Variants in SDK1 observed in about 807,000 individuals in gnomAD.
SDK1 encodes the protein protein sidekick-1.
SDK1 carries 157 observed loss-of-function variants against 245.5 expected under a neutral mutation model. The ratio of observed to expected loss-of-function variants is 0.64; its 90% CI spans 0.56 to 0.73. The LOEUF (loss-of-function observed/expected upper bound fraction) is 0.73, where lower values mean the gene tolerates loss of function less well. Ranked by LOEUF, SDK1 falls within the 30% of genes least tolerant of loss-of-function variation. The pLI is 0.00. For synonymous variants in SDK1, 1,647 were observed against 1,278.5 expected, an observed-to-expected ratio of 1.29 and a Z score of -6.15; for missense variants, 3,583 against 3,002.3, an observed-to-expected ratio of 1.19 and a Z score of -4.52.
At chr7:4,239,784 C>T (rs934332634) in intron 42 of SDK1, among the ~76,000 whole-genome samples, 1 of 152,192 alleles carries the variant, frequency 6.6e-6, no homozygotes, top group Non-Finnish European at 1.5e-5. Flanking sequence ...GAGCTCAGCT[C>T]ATTTGTTGGA....
intron 5 of SDK1, among the ~76,000 whole-genome samples, chr7:3,928,271 T>C (rs1310742028): frequency 6.6e-6 from 1 of 152,218 alleles, no homozygotes; most frequent in Non-Finnish European, 1.5e-5. Context: ...CTGAATTCTC[T>C]AGATAGTTAA....
intron 1 of SDK1, among the ~76,000 whole-genome samples, chr7:3,541,538 T>C (rs1029148116): frequency 6.6e-6 from 1 of 152,232 alleles, no homozygotes; most frequent in African/African-American, 2.4e-5. Flanking sequence ...TGTCAGTCCT[T>C]CTGTAGAGAT....
At chr7:3,818,703 C>G (rs1290905918) in intron 4 of SDK1, among the ~76,000 whole-genome samples, 1 of 152,222 alleles carries the variant, frequency 6.6e-6, no homozygotes, top group African/African-American at 2.4e-5. Flanking sequence ...AGTCCCCAGA[C>G]AGGACAGGCT....
intron 1 of SDK1, among the ~76,000 whole-genome samples, chr7:3,582,642 C>T (rs565736605): frequency 1.2e-4 from 13 of 107,100 alleles, no homozygotes; most frequent in African/African-American, 4.7e-4. Flanking sequence ...CATGAGCTTA[C>T]ATAACAAACC....
At chr7:3,807,988 A>G (rs1192110995) in intron 4 of SDK1, among the ~76,000 whole-genome samples, 1 of 152,146 alleles carries the variant, frequency 6.6e-6, no homozygotes, top group Non-Finnish European at 1.5e-5. Flanking sequence ...TGACCTGCGC[A>G]TTGGTGCTGT....
At chr7:3,360,666 C>A (rs1427097388) in intron 1 of SDK1, among the ~76,000 whole-genome samples, 1 of 152,130 alleles carries the variant, frequency 6.6e-6, no homozygotes, top group African/African-American at 2.4e-5. Flanking sequence ...GGTTTTGTTA[C>A]CTTGGCCCAG....
chr7:3,999,337 G>A (rs189623571), intron 14 of SDK1, among the ~76,000 whole-genome samples: 4 of 152,304 alleles, frequency 2.6e-5, no homozygotes, highest in East Asian at 1.9e-4. Flanking sequence ...CAGGAAGAGC[G>A]TGAGGTCCAT....
chr7:3,903,768 G>T (rs1230020388), intron 5 of SDK1, among the ~76,000 whole-genome samples: 1 of 152,158 alleles, frequency 6.6e-6, no homozygotes, highest in African/African-American at 2.4e-5. Flanking sequence ...GATCTCCCGT[G>T]TTGGAGGTGG....
intron 4 of SDK1, among the ~76,000 whole-genome samples, chr7:3,818,352 A>T (rs963961409): frequency 6.6e-6 from 1 of 152,228 alleles, no homozygotes; most frequent in African/African-American, 2.4e-5. Flanking sequence ...CAACTTTGCT[A>T]CCATAATTAC....
chr7:3,602,538 G>C (rs1405021427), intron 1 of SDK1, among the ~76,000 whole-genome samples: 1 of 151,782 alleles, frequency 6.6e-6, no homozygotes, highest in Admixed American at 6.6e-5. Flanking sequence ...TTTTTTTCTT[G>C]TAAATTTGTT....
At chr7:3,946,024 A>T (rs1439755751) in intron 5 of SDK1, among the ~76,000 whole-genome samples, 2 of 151,798 alleles carry the variant, frequency 1.3e-5, no homozygotes, top group African/African-American at 2.4e-5. Context: ...GAGTCCTAAA[A>T]TCCAACCAAT....
At chr7:3,326,847 T>C (rs1232374318) in intron 1 of SDK1, among the ~76,000 whole-genome samples, 1 of 152,180 alleles carries the variant, frequency 6.6e-6, no homozygotes, top group Admixed American at 6.5e-5. Flanking sequence ...GGCTGTCATT[T>C]AACCTGTGAT....
intron 4 of SDK1, among the ~76,000 whole-genome samples, chr7:3,666,434 A>G (rs1783534035): frequency 6.6e-6 from 1 of 152,084 alleles, no homozygotes; most frequent in South Asian, 2.1e-4. Flanking sequence ...TACATTTCAG[A>G]TCTCATCACT....
chr7:3,751,288 T>C (rs1045248440), intron 4 of SDK1, among the ~76,000 whole-genome samples: 4 of 152,192 alleles, frequency 2.6e-5, no homozygotes, highest in Non-Finnish European at 5.9e-5. Flanking sequence ...AGAGAGCTAA[T>C]AAACTAGGAT....
At position 4,208,236 on chromosome 7, in the gene SDK1, C is replaced by T. The variant is rs549339715; in HGVS notation, c.5352C>T (p.Ala1784=). The change falls in exon 37 of 45, where the codon GCC becomes GCT. Residue 1784 remains alanine, a synonymous_variant. Coordinates refer to ENST00000404826, the MANE Select transcript of SDK1 (RefSeq NM_152744.4). The part of the protein sequence containing the change: ...YLVSISAFNA[A]GDGPKSDPQQ... ...TCAGCATATCAGCCTTCAACGCCGC[C>T]GGAGATGGACCTAAGAGTGACCCCC... 6.1e-5 allele frequency: 99 copies of T among 1,614,012 alleles called. 1 individual carries two copies. Among genetic ancestry groups the T allele is most frequent in the South Asian group, 3.7e-4 (34 of 91,068 alleles).
intron 1 of SDK1, among the ~76,000 whole-genome samples, chr7:3,472,445 G>A (rs1329782930): frequency 1.3e-5 from 2 of 152,084 alleles, no homozygotes; most frequent in African/African-American, 4.8e-5. Context: ...GAGGGACAAG[G>A]CTAACTAAAA....
At chr7:4,200,334 A>G (rs761078076) in intron 35 of SDK1, among the ~76,000 whole-genome samples, 124 of 152,238 alleles carry the variant, frequency 8.1e-4, no homozygotes, top group Non-Finnish European at 1.6e-3. Context: ...TTCCTAGAGG[A>G]GCTGGAGCTA....
chr7:4,175,666 T>C (rs4720185), intron 33 of SDK1, 109 bp from the exon 34 acceptor site: 567,064 of 905,360 alleles, frequency 0.63, 180,770 homozygotes, highest in Admixed American at 0.73. Context: ...GCGTGGGAAG[T>C]GGCTGGCATC....
chr7:4,108,223 G>C (rs1392161913), intron 22 of SDK1, among the ~76,000 whole-genome samples: 2 of 152,176 alleles, frequency 1.3e-5, no homozygotes, highest in African/African-American at 2.4e-5. Context: ...AGCTGCCATG[G>C]GCCCTGATGG....
Sources: allele counts gnomAD v4.1 joint callset (sites outside exome capture counted in the v4.1 genomes callset), GRCh38; gene constraint gnomAD v4.1.1; transcripts MANE v1.5; gene names NCBI Gene and HGNC (gene_info 2026-07-23, HGNC 2026-07-21).